The following LARS1 variants were observed in gnomAD, a reference collection of about 807,000 sequenced individuals.
LARS1 encodes the protein leucine--tRNA ligase, cytoplasmic.
In LARS1, 100 loss-of-function variants were observed where a neutral mutation model predicts 162.8. That is an observed-to-expected ratio of 0.61 (90% CI 0.52 to 0.73). The LOEUF (loss-of-function observed/expected upper bound fraction) is 0.73, where lower values mean the gene tolerates loss of function less well. Ranked by LOEUF, LARS1 falls within the 30% of genes least tolerant of loss-of-function variation. The pLI is 0.00. For missense variants in LARS1, 1,258 were observed against 1,408.9 expected (o/e 0.89, Z 1.71); for synonymous variants, 457 against 462.8 (o/e 0.99, Z 0.16).
rs111756298 is a variant in LARS1 at position 146,124,092 on chromosome 5, A to G, written c.2992-6T>C. 6.3e-7 allele frequency: 1 copy of G among 1,576,674 alleles called. No individual in the cohort carries two copies. Among genetic ancestry groups the G allele is most frequent in the Non-Finnish European group, 8.7e-7 (1 of 1,149,350 alleles). On this transcript the variant is annotated splice_region_variant and splice_polypyrimidine_tract_variant and intron_variant, in intron 28 of 31. Coordinates refer to ENST00000394434, the MANE Select transcript of LARS1 (RefSeq NM_020117.11). Reference sequence around the variant, plus strand: ...CCCATCTTCTCCAGATTTTCCTAATAGCCAAAATGGTATGGAAAAACAAAA... The same window carrying G: ...CCCATCTTCTCCAGATTTTCCTAATGGCCAAAATGGTATGGAAAAACAAAA...
chr5:146,179,968 A>G (rs1454478851), intron 1 of LARS1, among the ~76,000 whole-genome samples: 3 of 152,226 alleles, frequency 2.0e-5, no homozygotes, highest in Non-Finnish European at 4.4e-5. Context: ...AATGCAACCA[A>G]TGATCTTAAG....
intron 25 of LARS1, among the ~76,000 whole-genome samples, chr5:146,129,363 C>A (rs1176523496): frequency 6.6e-6 from 1 of 152,162 alleles, no homozygotes; most frequent in Non-Finnish European, 1.5e-5. Flanking sequence ...TACCCACACA[C>A]ATATGCTCAC....
intron 4 of LARS1, among the ~76,000 whole-genome samples, chr5:146,171,125 G>A (rs779513417): frequency 4.6e-5 from 7 of 152,078 alleles, no homozygotes; most frequent in South Asian, 2.1e-4. Flanking sequence ...GGAAGGCCGA[G>A]GTGGGTGGAT....
At chr5:146,156,018 T>C (rs1753509594) in intron 10 of LARS1, among the ~76,000 whole-genome samples, 2 of 152,244 alleles carry the variant, frequency 1.3e-5, no homozygotes, top group Non-Finnish European at 2.9e-5. Flanking sequence ...GTTTATGTAC[T>C]GACAAAATGA....
rs1581039810 is a variant in LARS1 at position 146,143,629 on chromosome 5, T to A, written c.1739-79A>T. Reference sequence around the variant, plus strand: ...ATCCACATTTTTAAGAAGGGGGCTATAACATTTACAAAGCTACTTATTTAG... The same window carrying A: ...ATCCACATTTTTAAGAAGGGGGCTAAAACATTTACAAAGCTACTTATTTAG... On this transcript the variant is annotated intron_variant, in intron 18 of 31. Coordinates refer to ENST00000394434, the MANE Select transcript of LARS1 (RefSeq NM_020117.11). 2.3e-6 allele frequency: 3 copies of A among 1,291,846 alleles called. No homozygotes were observed. The East Asian group carries it at 7.0e-5, about 30-fold the overall frequency. 80.0% of individuals were successfully genotyped at this position (1,291,846 alleles called of 1,614,324 possible).
In LARS1 at chr5:146,130,029, G is replaced by A. The variant is rs1051847309; in HGVS notation, c.2617C>T (p.Leu873Phe). Residue 873 changes from leucine (L) to phenylalanine (F), a missense_variant, in exon 25 of 32, where the codon CTC (leucine) becomes TTC (phenylalanine). Transcript: ENST00000394434. ...ATGCATGAAGGTACCTTTCCCAGGA[G>A]TGTCCAGATGTGCTCACACAAATGT... Reference protein sequence around the residue: ...CPHLCEHIWTLLGKPDSIMNA... With the variant: ...CPHLCEHIWTFLGKPDSIMNA... The A allele has an allele frequency of 3.7e-6, 6 of 1,607,062 alleles. No homozygotes were observed. The highest frequency in any genetic ancestry group is 8.5e-7 in the Non-Finnish European group (1 of 1,178,046).
Position 146,144,414 on chromosome 5 carries a change from T to C in LARS1, c.1655+58A>G. ...CACTTTTTTTGTTGCATTTCAACTT[T>C]ACTGTTTCCACATTTTTCATCTCCT... On this transcript the variant is annotated intron_variant, in intron 17 of 31. Transcript: ENST00000394434. 3.8e-6 allele frequency: 6 copies of C among 1,597,968 alleles called. No individual in the cohort carries two copies. The Admixed American group carries it at 6.9e-5, about 18-fold the overall frequency.
chr5:146,153,101 G>A lies in LARS1; in HGVS notation c.1284+73C>T. 1.1e-5 allele frequency: 13 copies of A among 1,214,260 alleles called. No individual in the cohort carries two copies. The South Asian group carries it at 1.8e-4, about 16-fold the overall frequency. 75.2% of individuals were successfully genotyped at this position (1,214,260 alleles called of 1,614,324 possible). ...CTCCACCAATTAATTTTGTTATAAG[G>A]AAAACATGTTAGCTCTTCTTTTTCT... On this transcript the variant is annotated intron_variant, in intron 13 of 31. Transcript: ENST00000394434.
chr5:146,129,185 T>C, intron 25 of LARS1, 67 bp from the exon 26 acceptor site: 3 of 1,348,326 alleles, frequency 2.2e-6, no homozygotes, highest in Non-Finnish European at 3.0e-6. Flanking sequence ...TTACGGTTCT[T>C]GATTATAGTT....
At chr5:146,167,715 G>C (rs1162923824) in intron 5 of LARS1, among the ~76,000 whole-genome samples, 5 of 150,594 alleles carry the variant, frequency 3.3e-5, no homozygotes, top group Admixed American at 2.0e-4. Flanking sequence ...ATTTTTAGTA[G>C]AGACGGGGTT....
chr5:146,118,618 A>G (rs947396712), intron 31 of LARS1, among the ~76,000 whole-genome samples: 3 of 152,232 alleles, frequency 2.0e-5, no homozygotes, highest in African/African-American at 7.2e-5. Flanking sequence ...CAAACCTCAC[A>G]CTGTACTCAT....
chr5:146,159,156 G>C (rs1373579498), intron 8 of LARS1, among the ~76,000 whole-genome samples: 1 of 151,850 alleles, frequency 6.6e-6, no homozygotes, highest in East Asian at 1.9e-4. Flanking sequence ...AGCAATTTTG[G>C]GGTGAGGCTA....
chr5:146,180,353 T>C (rs962888638), intron 1 of LARS1, among the ~76,000 whole-genome samples: 6 of 152,048 alleles, frequency 3.9e-5, no homozygotes, highest in African/African-American at 1.2e-4. Flanking sequence ...GCCAACATGG[T>C]GAAACCACAA....
At chr5:146,141,727 T>G (rs1176527567) in intron 20 of LARS1, among the ~76,000 whole-genome samples, 5 of 152,130 alleles carry the variant, frequency 3.3e-5, no homozygotes, top group African/African-American at 1.2e-4. Context: ...GTCTGCGAAG[T>G]TGAGACTGCA....
intron 31 of LARS1, among the ~76,000 whole-genome samples, chr5:146,116,568 A>C (rs2126347988): frequency 6.6e-6 from 1 of 152,326 alleles, no homozygotes; most frequent in South Asian, 2.1e-4. Flanking sequence ...TTTATCCCAG[A>C]CTTCTCTTAT....
Position 146,128,689 on chromosome 5 carries a change from G to C in LARS1, c.2863C>G (p.Leu955Val), listed in dbSNP as rs1752144687. 1.3e-6 allele frequency: 2 copies of C among 1,583,886 alleles called. No homozygotes were observed. The highest frequency in any genetic ancestry group is 4.5e-5 in the East Asian group (2 of 44,178). The change falls in exon 27 of 32, where the codon CTA (leucine) becomes GTA (valine). Residue 955 changes from leucine to valine, a missense_variant. By Grantham distance (32) the Leu-to-Val change is conservative (BLOSUM62 1). Transcript: ENST00000394434. ...AGCATCACCTCAAAGTGTTTACGTA[G>C]AACAGACAGGGTGGTATGTTGCCAA... is the stretch of plus-strand genomic sequence containing the variant. ...PPWQHTTLSVLRKHFEANNGK... is the reference protein window; with the variant it reads ...PPWQHTTLSVVRKHFEANNGK...
Position 146,182,620 on chromosome 5 carries a change from A to C in LARS1, c.-127T>G. The C allele has an allele frequency of 1.6e-6, 2 of 1,253,562 alleles. No homozygotes were observed. The highest frequency in any genetic ancestry group is 2.3e-6 in the Non-Finnish European group (2 of 859,242). The allele number at this position is 1,253,562 out of a possible 1,614,324, so 77.7% of individuals were successfully genotyped here. On this transcript the variant is annotated 5_prime_UTR_variant, in exon 1 of 32. Transcript: ENST00000394434. ...CACGAAACTAAAGCACACGCTTCAC[A>C]CCTGCTGAGGCAATCATCCGGCTCC...
At chr5:146,133,793 C>G (rs1752394542) in intron 22 of LARS1, among the ~76,000 whole-genome samples, 1 of 151,208 alleles carries the variant, frequency 6.6e-6, no homozygotes, top group Non-Finnish European at 1.5e-5. Context: ...TTTGCCTTTT[C>G]CACTTAACAG....
At chr5:146,157,927 A>C (rs546033921) in intron 8 of LARS1, 132 bp from the exon 9 acceptor site, 1 of 805,792 alleles carries the variant, frequency 1.2e-6, no homozygotes, top group East Asian at 2.6e-5. Context: ...TGCAGAGAAG[A>C]GATTGCCAGT....
Sources: gnomAD v4.1 joint callset for allele counts (sites outside exome capture counted in the v4.1 genomes callset) on GRCh38, gnomAD v4.1.1 for gene constraint, MANE v1.5 for transcripts, NCBI Gene and HGNC (gene_info 2026-07-23, HGNC 2026-07-21) for gene names.